The following MPC2 variants were observed in gnomAD, a reference collection of about 807,000 sequenced individuals.
MPC2 encodes brain protein 44.
A neutral mutation model predicts 19.2 loss-of-function variants in MPC2; 19 were observed. That is an observed-to-expected ratio of 0.99 (90% CI 0.69 to 1.45). MPC2 has a LOEUF of 1.45. MPC2 is among the 40% of genes most tolerant of loss of function. MPC2 has a pLI of 0.00. For missense variants in MPC2, 122 were observed against 153.0 expected, an observed-to-expected ratio of 0.80 and a Z score of 1.07; for synonymous variants, 61 against 54.3, an observed-to-expected ratio of 1.12 and a Z score of -0.54.
At chr1:167,934,791 C>G (rs747021200) in intron 2 of MPC2, among the ~76,000 whole-genome samples, 1 of 152,138 alleles carries the variant, frequency 6.6e-6, no homozygotes, top group Admixed American at 6.5e-5. Flanking sequence ...TCTAGTTTGC[C>G]AAGTCTTAGG....
At chr1:167,918,992 C>A (rs1310119094) in intron 5 of MPC2, among the ~76,000 whole-genome samples, 1 of 152,088 alleles carries the variant, frequency 6.6e-6, no homozygotes, top group African/African-American at 2.4e-5. Context: ...AAGAACGTGA[C>A]AAACTTGTGA....
At chr1:167,919,920 AAT>A in intron 5 of MPC2, 57 bp downstream of exon 5, 1 of 1,314,588 alleles carries the variant, frequency 7.6e-7, no homozygotes, top group East Asian at 2.4e-5. Context: ...AAAAAAAAAA[AAT>A]TAGTGCCATC....
chr1:167,936,679 C>A (rs1346069185), intron 1 of MPC2: 1 of 489,122 alleles, frequency 2.0e-6, no homozygotes, highest in Non-Finnish European at 3.6e-6. Flanking sequence ...TGTTGCTGAT[C>A]TTTGGATGTT....
rs1202842754 is a variant in MPC2 at position 167,935,869 on chromosome 1, G to T, written c.-28C>A. ...CCGCCGAGGGATCGTTGGCAGCCGGGTGGGAGCGTGGCTGTGTTCTCGTCC... is the reference window on the plus strand; with the variant it reads ...CCGCCGAGGGATCGTTGGCAGCCGGTTGGGAGCGTGGCTGTGTTCTCGTCC... On this transcript the variant is annotated 5_prime_UTR_variant, in exon 2 of 6. Coordinates refer to ENST00000271373, the MANE Select transcript of MPC2 (RefSeq NM_001143674.4). The T allele has an allele frequency of 1.3e-6, 2 of 1,516,616 alleles. No individual in the cohort carries two copies. Among genetic ancestry groups the T allele is most frequent in the Non-Finnish European group, 1.8e-6 (2 of 1,117,488 alleles). The allele number at this position is 1,516,616 out of a possible 1,614,324, so 93.9% of individuals were successfully genotyped here.
chr1:167,919,824 A>G (rs1301967902), intron 5 of MPC2, among the ~76,000 whole-genome samples, 155 bp downstream of exon 5: 1 of 152,000 alleles, frequency 6.6e-6, no homozygotes, highest in Non-Finnish European at 1.5e-5. Context: ...TACTTTAGAT[A>G]CTTCTTGTCT....
chr1:167,919,841 T>C, intron 5 of MPC2, 138 bp downstream of exon 5: 1 of 540,268 alleles, frequency 1.9e-6, no homozygotes, highest in Non-Finnish European at 3.3e-6. Flanking sequence ...GTCTTAGCAT[T>C]ATATATGAAT....
chr1:167,928,221 G>A (rs776871686), intron 2 of MPC2, among the ~76,000 whole-genome samples: 12 of 151,778 alleles, frequency 7.9e-5, no homozygotes, highest in African/African-American at 2.2e-4. Context: ...GGTGGCAGGC[G>A]GCTGTAGTCC....
chr1:167,925,470 T>TATATATATATATATACAC (rs1197746767), intron 2 of MPC2, among the ~76,000 whole-genome samples: 2 of 107,788 alleles, frequency 1.9e-5, no homozygotes, highest in East Asian at 5.5e-4. Flanking sequence ...TATATATATA[T>TATATATATATATATACAC]ATATACATAT....
chr1:167,924,443 A>G, intron 3 of MPC2, 54 bp downstream of exon 3: 1 of 1,462,406 alleles, frequency 6.8e-7, no homozygotes, highest in Non-Finnish European at 9.4e-7. Flanking sequence ...AAATTAGTAA[A>G]TTCCTATTAA....
At chr1:167,928,893 A>G (rs1469690357) in intron 2 of MPC2, among the ~76,000 whole-genome samples, 1 of 152,246 alleles carries the variant, frequency 6.6e-6, no homozygotes, top group Non-Finnish European at 1.5e-5. Flanking sequence ...TCCTCATAAG[A>G]CATTAATTTA....
At chr1:167,934,636 C>G (rs946983471) in intron 2 of MPC2, among the ~76,000 whole-genome samples, 12 of 152,166 alleles carry the variant, frequency 7.9e-5, no homozygotes, top group Non-Finnish European at 2.9e-5. Context: ...AGTTCAGACT[C>G]CAGAGAGCTG....
intron 5 of MPC2, among the ~76,000 whole-genome samples, chr1:167,918,982 A>C (rs1404761660): frequency 6.6e-6 from 1 of 152,208 alleles, no homozygotes; most frequent in African/African-American, 2.4e-5. Context: ...GGAATTCTAC[A>C]AGAACGTGAC....
intron 5 of MPC2, among the ~76,000 whole-genome samples, chr1:167,919,293 A>G (rs1379753923): frequency 1.3e-5 from 2 of 152,090 alleles, no homozygotes; most frequent in African/African-American, 4.8e-5. Context: ...CTTCTACCAT[A>G]CCTTGGGCTT....
At chr1:167,920,136 A>G (rs779345466) in intron 4 of MPC2, 46 bp from the exon 5 acceptor site, 8 of 1,214,146 alleles carry the variant, frequency 6.6e-6, no homozygotes, top group Non-Finnish European at 8.4e-6. Flanking sequence ...TACTGCTTCA[A>G]TAACTTCAGT....
intron 3 of MPC2, 139 bp from the exon 4 acceptor site, chr1:167,920,770 T>C: frequency 1.2e-6 from 1 of 859,140 alleles, no homozygotes; most frequent in Non-Finnish European, 1.7e-6. Context: ...TAAGAAAATG[T>C]AGATTACAAC....
chr1:167,931,503 T>C (rs574327681), intron 2 of MPC2, among the ~76,000 whole-genome samples: 4 of 151,942 alleles, frequency 2.6e-5, no homozygotes, highest in African/African-American at 9.6e-5. Context: ...AAAAATAATA[T>C]ATGTATATTT....
chr1:167,918,244 C>T lies in MPC2; in HGVS notation c.*79G>A. 1.7e-6 allele frequency: 2 copies of T among 1,190,226 alleles called. No individual in the cohort carries two copies. The highest frequency in any genetic ancestry group is 2.0e-4 in the Middle Eastern group (1 of 5,076). 73.7% of individuals were successfully genotyped at this position (1,190,226 alleles called of 1,614,324 possible). On this transcript the variant is annotated 3_prime_UTR_variant, in exon 6 of 6. Transcript: ENST00000271373. ...CCTTCTAAACACACAGTTAGCTTTG[C>T]TTTATCAATAACCAAATAATAAACT... is the stretch of plus-strand genomic sequence containing the variant.
Position 167,916,679 on chromosome 1 carries a change from G to T in MPC2, c.*1644C>A, listed in dbSNP as rs369463908. On this transcript the variant is annotated 3_prime_UTR_variant, in exon 6 of 6. Transcript: ENST00000271373. ...AATTTGACTGACAAGAGGGGCTTAG[G>T]AGACCCCGCACAGAAGAGGTTTTAA... is the stretch of plus-strand genomic sequence containing the variant. The T allele has an allele frequency of 1.3e-5, 2 of 152,178 alleles. No individual in the cohort carries two copies. The highest frequency in any genetic ancestry group is 2.9e-5 in the Non-Finnish European group (2 of 68,038). 9.4% of individuals were successfully genotyped at this position (152,178 alleles called of 1,614,324 possible).
chr1:167,927,396 C>A (rs1670787631), intron 2 of MPC2, among the ~76,000 whole-genome samples: 1 of 152,184 alleles, frequency 6.6e-6, no homozygotes, highest in Admixed American at 6.5e-5. Flanking sequence ...GTTCATTTTT[C>A]TTTGTCATAC....
Sources: allele counts gnomAD v4.1 joint callset (sites outside exome capture counted in the v4.1 genomes callset), GRCh38; gene constraint gnomAD v4.1.1; transcripts MANE v1.5; gene names NCBI Gene and HGNC (gene_info 2026-07-23, HGNC 2026-07-21).